The following UBASH3B variants were observed in gnomAD, a reference collection of about 807,000 sequenced individuals.
UBASH3B encodes the protein ubiquitin-associated and SH3 domain-containing protein B.
In UBASH3B, 37 loss-of-function variants were observed where a neutral mutation model predicts 83.4. That is an observed-to-expected ratio of 0.44 (90% confidence interval 0.34 to 0.58). The LOEUF is 0.58. Among genes scored for constraint, UBASH3B ranks in the 20% least tolerant of loss-of-function variants. The pLI, the probability that UBASH3B is intolerant of heterozygous loss-of-function variation, is 0.01. For synonymous variants in UBASH3B, 304 were observed against 318.3 expected (o/e 0.96, Z 0.48); for missense variants, 657 against 827.2 (o/e 0.79, Z 2.52).
rs534393878 is a variant in UBASH3B, at chr11:122,728,278, C to A, written c.162-47941C>A. On this transcript the variant is annotated intron_variant, in intron 1 of 13. Transcript: ENST00000284273. Reference sequence around the variant, plus strand: ...TTTCTGTGGGCTTCCCTAGGCTGACCCTGGAAAGAATTCCGGATGCTACTT... The same window carrying A: ...TTTCTGTGGGCTTCCCTAGGCTGACACTGGAAAGAATTCCGGATGCTACTT... Among the ~76,000 whole-genome samples the A allele has an allele frequency of 2.6e-5, 4 of 152,282 alleles. No homozygotes were observed. In the East Asian group the frequency reaches 7.7e-4, roughly 29 times the overall value.
chr11:122,789,841 G>A (rs1046959577), intron 6 of UBASH3B, among the ~76,000 whole-genome samples: 1 of 152,164 alleles, frequency 6.6e-6, no homozygotes, highest in African/African-American at 2.4e-5. Flanking sequence ...ACAGGCAACT[G>A]CCAGACTGAA....
intron 1 of UBASH3B, among the ~76,000 whole-genome samples, chr11:122,740,907 C>T (rs2135959888): frequency 6.6e-6 from 1 of 152,208 alleles, no homozygotes; most frequent in East Asian, 1.9e-4. Flanking sequence ...TAGCAAAAGT[C>T]CTGCTTTAGT....
chr11:122,719,222 G>A (rs1285948314), intron 1 of UBASH3B, among the ~76,000 whole-genome samples: 2 of 152,146 alleles, frequency 1.3e-5, no homozygotes, highest in African/African-American at 2.4e-5. Flanking sequence ...GGGAGTGCCC[G>A]GAAGTCAATT....
At chr11:122,678,645 C>T (rs184732987) in intron 1 of UBASH3B, among the ~76,000 whole-genome samples, 1 of 152,014 alleles carries the variant, frequency 6.6e-6, no homozygotes, top group Non-Finnish European at 1.5e-5. Flanking sequence ...TTTTCAGGAG[C>T]TGATTGACCC....
intron 1 of UBASH3B, among the ~76,000 whole-genome samples, chr11:122,739,160 G>A (rs1860984276): frequency 2.0e-5 from 3 of 152,074 alleles, no homozygotes; most frequent in Admixed American, 2.0e-4. Context: ...CCACACCCGG[G>A]TAATTTGTAA....
chr11:122,768,335 G>A (rs1860586033), intron 1 of UBASH3B, among the ~76,000 whole-genome samples: 1 of 152,106 alleles, frequency 6.6e-6, no homozygotes, highest in African/African-American at 2.4e-5. Context: ...GAAATGCTGT[G>A]TCCGTGAGGG....
At chr11:122,679,833 CT>C (rs1350038040) in intron 1 of UBASH3B, among the ~76,000 whole-genome samples, 2 of 151,764 alleles carry the variant, frequency 1.3e-5, no homozygotes, top group Non-Finnish European at 2.9e-5. Flanking sequence ...TTCTTCTTTT[CT>C]TTTCTTTTTG....
intron 1 of UBASH3B, among the ~76,000 whole-genome samples, chr11:122,690,214 T>A (rs894634338): frequency 1.9e-5 from 1 of 52,656 alleles, no homozygotes; most frequent in Non-Finnish European, 3.3e-5. Context: ...ATATATCCAA[T>A]TATATATATA....
chr11:122,714,731 A>G (rs1410226905), intron 1 of UBASH3B, among the ~76,000 whole-genome samples: 1 of 152,196 alleles, frequency 6.6e-6, no homozygotes, highest in African/African-American at 2.4e-5. Context: ...CACAGAGTGA[A>G]GCAATGTCAG....
intron 1 of UBASH3B, among the ~76,000 whole-genome samples, chr11:122,696,906 C>T (rs1169030076): frequency 1.3e-5 from 2 of 152,154 alleles, no homozygotes; most frequent in African/African-American, 2.4e-5. Context: ...GGGTTCCTCC[C>T]GCCCTGCCCT....
chr11:122,735,732 G>A (rs769538879), intron 1 of UBASH3B, among the ~76,000 whole-genome samples: 9 of 152,170 alleles, frequency 5.9e-5, no homozygotes, highest in Non-Finnish European at 1.2e-4. Flanking sequence ...TGGGGAAGCC[G>A]AGTTCCAGGC....
chr11:122,742,610 G>A (rs993022813), intron 1 of UBASH3B, among the ~76,000 whole-genome samples: 5 of 152,158 alleles, frequency 3.3e-5, no homozygotes, highest in Admixed American at 6.5e-5. Context: ...TTGGGAGGGC[G>A]GCCTGCCGAC....
rs1861315324 is a variant in UBASH3B at position 122,758,328 on chromosome 11, G to A, written c.162-17891G>A. ...ATGCAGTAAATAATTTCAGGAAATT[G>A]AGCGTAACCTTTCTTAGCAGCTTAG... is the stretch of plus-strand genomic sequence containing the variant. On this transcript the variant is annotated intron_variant, in intron 1 of 13. Coordinates refer to ENST00000284273, the MANE Select transcript of UBASH3B (RefSeq NM_032873.5). This position sits in a 1 kb window ranked among gnomAD's most constrained non-coding sequence, Gnocchi z 4.2. 6.6e-6 allele frequency among the ~76,000 whole-genome samples: 1 copy of A among 152,216 alleles called. No individual in the cohort carries two copies. The highest frequency in any genetic ancestry group is 2.4e-5 in the African/African-American group (1 of 41,452).
At chr11:122,704,967 AAAG>A (rs953212563) in intron 1 of UBASH3B, among the ~76,000 whole-genome samples, 4 of 152,222 alleles carry the variant, frequency 2.6e-5, no homozygotes, top group African/African-American at 9.6e-5. Flanking sequence ...ACCTATGGTT[AAAG>A]AAGGATTTGT....
chr11:122,711,880 A>AT (rs1864197349), intron 1 of UBASH3B, among the ~76,000 whole-genome samples: 2 of 152,100 alleles, frequency 1.3e-5, no homozygotes, highest in African/African-American at 4.8e-5. Flanking sequence ...CCCAGGGTTC[A>AT]TTTTTTTCTA....
chr11:122,762,137 C>A (rs898309756), intron 1 of UBASH3B, among the ~76,000 whole-genome samples: 3 of 152,230 alleles, frequency 2.0e-5, no homozygotes, highest in African/African-American at 7.2e-5. Context: ...GTTACTTTTG[C>A]ACCGACCTAA....
rs200354676 is a variant in UBASH3B at position 122,789,181 on chromosome 11, C to T, written c.853C>T (p.Pro285Ser). ...LVPGDFIFMS[P>S]MEQTSTSEGW... is the part of the protein sequence containing the mutation. ...CCCCGGGGACTTCATCTTCATGTCT[C>T]CAATGGAGCAGACCAGCACCAGCGA... Residue 285 changes from proline to serine, a missense_variant, in exon 6 of 14, where the codon CCA becomes TCA. This residue lies in a region of UBASH3B where 573 missense variants were observed against 739.0 expected (regional missense o/e 0.78). Transcript: ENST00000284273. The T allele has an allele frequency of 4.4e-4, 708 of 1,614,056 alleles. 1 individual carries two copies. The highest frequency in any genetic ancestry group is 6.7e-4 in the South Asian group (61 of 91,092).
At chr11:122,660,901 G>A (rs543304221) in intron 1 of UBASH3B, among the ~76,000 whole-genome samples, 1 of 152,206 alleles carries the variant, frequency 6.6e-6, no homozygotes, top group East Asian at 1.9e-4. Flanking sequence ...GCTTCTGAAT[G>A]ATATCTGCAC....
chr11:122,756,233 T>C (rs1368065917), intron 1 of UBASH3B, among the ~76,000 whole-genome samples: 1 of 152,192 alleles, frequency 6.6e-6, no homozygotes, highest in Non-Finnish European at 1.5e-5. Flanking sequence ...CTCTTTGTAG[T>C]CCAGAAATGT....
Sources: allele counts gnomAD v4.1 joint callset (sites outside exome capture counted in the v4.1 genomes callset), GRCh38; gene constraint gnomAD v4.1.1; regional missense constraint gnomAD v4.1.1; non-coding constraint Gnocchi (gnomAD v3.1); transcripts MANE v1.5; gene names NCBI Gene and HGNC (gene_info 2026-07-23, HGNC 2026-07-21).